The following PIEZO2 variants were observed in gnomAD, a reference collection of about 807,000 sequenced individuals.
PIEZO2 encodes piezo type mechanosensitive ion channel component 2.
PIEZO2 carries 172 observed loss-of-function variants against 337.3 expected under a neutral mutation model. The ratio of observed to expected loss-of-function variants is 0.51; its 90% CI spans 0.45 to 0.58. The LOEUF is 0.58. Ranked by LOEUF, PIEZO2 falls within the 20% of genes least tolerant of loss-of-function variation. The pLI is 0.00. For synonymous variants in PIEZO2, 1,251 were observed against 1,228.5 expected, an observed-to-expected ratio of 1.02 and a Z score of -0.38; for missense variants, 3,028 against 3,391.3, an observed-to-expected ratio of 0.89 and a Z score of 2.66.
rs1309428373 is a variant in PIEZO2, at chr18:10,947,162, C to A, written c.286+32373G>T. Among the ~76,000 whole-genome samples the A allele has an allele frequency of 2.6e-5, 4 of 151,738 alleles. No individual in the cohort carries two copies. In the East Asian group the frequency reaches 7.7e-4, roughly 29 times the overall value. On this transcript the variant is annotated intron_variant, in intron 3 of 55. Coordinates refer to ENST00000674853, the MANE Select transcript of PIEZO2 (RefSeq NM_001378183.1). ...ATGATGAACTTGAAGGGAAAAAAATCTGTAGAAAAAAAGCAGAAAATAAAC... is the reference window on the plus strand; with the variant it reads ...ATGATGAACTTGAAGGGAAAAAAATATGTAGAAAAAAAGCAGAAAATAAAC...
In PIEZO2 at chr18:11,033,147, G is replaced by A. The variant is rs1256927813; in HGVS notation, c.160+32980C>T. Among the ~76,000 whole-genome samples the A allele has an allele frequency of 1.3e-5, 2 of 152,192 alleles. No homozygotes were observed. Among genetic ancestry groups the A allele is most frequent in the Non-Finnish European group, 2.9e-5 (2 of 68,034 alleles). ...ATTTACCGTGAGCCCAACACATTAC[G>A]TCATTGAGTCCTCTCTACAACACAC... On this transcript the variant is annotated intron_variant, in intron 2 of 55. Transcript: ENST00000674853. This position sits in a 1 kb window ranked among gnomAD's most constrained non-coding sequence, Gnocchi z 4.2.
At chr18:11,085,866 T>C (rs1305385601) in intron 1 of PIEZO2, among the ~76,000 whole-genome samples, 1 of 141,978 alleles carries the variant, frequency 7.0e-6, no homozygotes, top group Non-Finnish European at 1.5e-5. Flanking sequence ...ACGGAGAGAG[T>C]GGAAGAGAGG....
At position 10,672,649 on chromosome 18, in the gene PIEZO2, A is replaced by G; in HGVS notation, c.8345+41T>C. The G allele has an allele frequency of 1.3e-6, 2 of 1,585,424 alleles. No homozygotes were observed. The highest frequency in any genetic ancestry group is 2.2e-5 in the East Asian group (1 of 44,644). The stretch of plus-strand genomic sequence containing the variant: ...CACTCTCAACTTTACATGATACAGA[A>G]GTAGACTCTTGTAACTGTGAATTGT... On this transcript the variant is annotated intron_variant, in intron 55 of 55. Transcript: ENST00000674853. The surrounding 1 kb of genome is among the most constrained non-coding windows in gnomAD (Gnocchi z 4.7).
intron 7 of PIEZO2, among the ~76,000 whole-genome samples, chr18:10,810,827 C>G (rs977981892): frequency 1.3e-5 from 2 of 152,170 alleles, no homozygotes; most frequent in Non-Finnish European, 2.9e-5. Flanking sequence ...CATAGACTCT[C>G]TGATACCTCT....
chr18:11,036,341 T>G (rs761004949), intron 2 of PIEZO2, among the ~76,000 whole-genome samples: 3 of 152,110 alleles, frequency 2.0e-5, no homozygotes, highest in Non-Finnish European at 2.9e-5. Flanking sequence ...AAACCTAATG[T>G]TTTTCATCTT....
intron 2 of PIEZO2, among the ~76,000 whole-genome samples, chr18:11,004,572 G>A (rs1282304260): frequency 6.6e-6 from 1 of 152,168 alleles, no homozygotes; most frequent in Non-Finnish European, 1.5e-5. Context: ...GAACGGATAA[G>A]GAAGGGAGAA....
chr18:10,677,571 C>A lies in PIEZO2; in HGVS notation c.8081+176G>T, dbSNP rs1598343935. ...CCCTGGGGACAGTGGACAGAAAACT[C>A]CATAGCTGAGATTAAGTTTCTTTAA... On this transcript the variant is annotated intron_variant, in intron 53 of 55. Coordinates refer to ENST00000674853, the MANE Select transcript of PIEZO2 (RefSeq NM_001378183.1). This position sits in a 1 kb window ranked among gnomAD's most constrained non-coding sequence, Gnocchi z 4.1. 1.5e-6 allele frequency: 1 copy of A among 688,148 alleles called. No homozygotes were observed. 42.6% of individuals were successfully genotyped at this position (688,148 alleles called of 1,614,324 possible). A position where few individuals can be genotyped will look rare whatever the true frequency, so the allele number is the denominator to read the frequency against.
chr18:10,989,327 AAAT>A (rs1374451132), intron 2 of PIEZO2, among the ~76,000 whole-genome samples: 4 of 152,144 alleles, frequency 2.6e-5, no homozygotes, highest in African/African-American at 9.7e-5. Context: ...ATATAGAAAA[AAAT>A]AATACTGGAT....
chr18:10,797,341 A>ATCC (rs2039646975), intron 12 of PIEZO2, 33 bp downstream of exon 12: 1 of 1,350,062 alleles, frequency 7.4e-7, no homozygotes, highest in Non-Finnish European at 1.0e-6. Context: ...TATTATACAT[A>ATCC]TCATATTATA....
chr18:11,115,813 G>A (rs532021044), intron 1 of PIEZO2, among the ~76,000 whole-genome samples: 9 of 152,208 alleles, frequency 5.9e-5, no homozygotes, highest in South Asian at 2.1e-4. Context: ...ATAAAATGCC[G>A]TAAGTGCTAT....
At chr18:11,052,928 T>C (rs901317635) in intron 2 of PIEZO2, among the ~76,000 whole-genome samples, 2 of 151,564 alleles carry the variant, frequency 1.3e-5, no homozygotes, top group Admixed American at 6.6e-5. Flanking sequence ...AAGTATTTAT[T>C]AAGTGACTAG....
intron 2 of PIEZO2, among the ~76,000 whole-genome samples, chr18:10,999,870 A>G (rs968371465): frequency 3.9e-5 from 6 of 152,252 alleles, no homozygotes; most frequent in Non-Finnish European, 7.3e-5. Context: ...GAGATTAAAT[A>G]CAAACACCTA....
At position 10,988,158 on chromosome 18, in the gene PIEZO2, C is replaced by A. The variant is rs1173168990; in HGVS notation, c.161-8498G>T. Among the ~76,000 whole-genome samples, 2 of 151,900 alleles carry A rather than the reference C, an allele frequency of 1.3e-5. No individual in the cohort carries two copies. The highest frequency in any genetic ancestry group is 3.9e-4 in the East Asian group (2 of 5,184). ...TCTATAAGTGTTGAGAAAATGTATT[C>A]ATTCCCGTTCAGCCATTTTGCCATG... On this transcript the variant is annotated intron_variant, in intron 2 of 55. Coordinates refer to ENST00000674853, the MANE Select transcript of PIEZO2 (RefSeq NM_001378183.1). The surrounding 1 kb of genome is among the most constrained non-coding windows in gnomAD (Gnocchi z 4.8).
rs555738865 is a variant in PIEZO2 at position 10,824,434 on chromosome 18, T to G, written c.918-17160A>C. 6.6e-6 allele frequency among the ~76,000 whole-genome samples: 1 copy of G among 152,242 alleles called. No homozygotes were observed. Among genetic ancestry groups the G allele is most frequent in the Non-Finnish European group, 1.5e-5 (1 of 68,040 alleles). ...ACAAGTTATTGCATATATGCTTTCA[T>G]GTTTATTTAAGGATATTTGTTGGCT... On this transcript the variant is annotated intron_variant, in intron 7 of 55. Coordinates refer to ENST00000674853, the MANE Select transcript of PIEZO2 (RefSeq NM_001378183.1). This position sits in a 1 kb window ranked among gnomAD's most constrained non-coding sequence, Gnocchi z 4.4.
chr18:10,796,957 C>T (rs1356842333), intron 12 of PIEZO2, among the ~76,000 whole-genome samples: 1 of 151,630 alleles, frequency 6.6e-6, no homozygotes, highest in Non-Finnish European at 1.5e-5. Context: ...TACATACCAT[C>T]ATATCTTATA....
chr18:10,850,913 C>T lies in PIEZO2; in HGVS notation c.917+4440G>A, dbSNP rs184909565. Among the ~76,000 whole-genome samples the T allele has an allele frequency of 3.3e-5, 5 of 152,154 alleles. No homozygotes were observed. Among genetic ancestry groups the T allele is most frequent in the Admixed American group, 3.3e-4 (5 of 15,288 alleles). On this transcript the variant is annotated intron_variant, in intron 7 of 55. Transcript: ENST00000674853. This position sits in a 1 kb window ranked among gnomAD's most constrained non-coding sequence, Gnocchi z 4.5. ...AACAGTGTGACAAAAAATATCAATT[C>T]AATATTTCTAAAAATAAGGTTAATT...
chr18:11,103,822 TGTGC>T (rs1249935082), intron 1 of PIEZO2, among the ~76,000 whole-genome samples: 1 of 151,974 alleles, frequency 6.6e-6, no homozygotes, highest in African/African-American at 2.4e-5. Flanking sequence ...TGTGTGCGTG[TGTGC>T]GTGTGTGTGT....
intron 1 of PIEZO2, among the ~76,000 whole-genome samples, chr18:11,082,747 T>C (rs1008190232): frequency 9.2e-5 from 14 of 152,240 alleles, no homozygotes; most frequent in Admixed American, 3.3e-4. Flanking sequence ...TGCTATCATC[T>C]GGAACGTGTT....
rs933451956 is a variant in PIEZO2 at position 10,837,993 on chromosome 18, C to G, written c.917+17360G>C. Among the ~76,000 whole-genome samples, 1 of 152,130 alleles carries G rather than the reference C, an allele frequency of 6.6e-6. No individual in the cohort carries two copies. Among genetic ancestry groups the G allele is most frequent in the Admixed American group, 6.5e-5 (1 of 15,270 alleles). The stretch of plus-strand genomic sequence containing the variant: ...TCTCGAACTCCTGATCGCAGGTGAT[C>G]TGTCCGCCTCGGCCTCCCAAAGTTC... On this transcript the variant is annotated intron_variant, in intron 7 of 55. Transcript: ENST00000674853. The surrounding 1 kb of genome is among the most constrained non-coding windows in gnomAD (Gnocchi z 4.4).
Sources: gnomAD v4.1 joint callset for allele counts (sites outside exome capture counted in the v4.1 genomes callset) on GRCh38, gnomAD v4.1.1 for gene constraint, Gnocchi (gnomAD v3.1) non-coding constraint, MANE v1.5 for transcripts, NCBI Gene and HGNC (gene_info 2026-07-23, HGNC 2026-07-21) for gene names.